Variants in ROBO1 observed in about 807,000 individuals in gnomAD.
ROBO1 encodes the protein roundabout guidance receptor 1.
A neutral mutation model predicts 195.9 loss-of-function variants in ROBO1; 149 were observed. The observed-to-expected ratio is 0.76, with a 90% confidence interval of 0.67 to 0.87. ROBO1 has a LOEUF of 0.87. ROBO1 is among the 40% of genes least tolerant of loss of function. ROBO1 has a pLI of 0.00. For missense variants in ROBO1, 1,933 were observed against 2,068.3 expected (o/e 0.93, Z 1.27); for synonymous variants, 816 against 733.2 (o/e 1.11, Z -1.82).
chr3:78,812,903 C>T (rs924052657), intron 4 of ROBO1, among the ~76,000 whole-genome samples: 4 of 152,004 alleles, frequency 2.6e-5, no homozygotes, highest in African/African-American at 7.2e-5. Context: ...CAATTATTTA[C>T]ATGGTAGAAT....
chr3:78,894,035 T>C (rs2037081799), intron 4 of ROBO1, among the ~76,000 whole-genome samples: 1 of 152,212 alleles, frequency 6.6e-6, no homozygotes, highest in Admixed American at 6.5e-5. Flanking sequence ...AAATGTTTCA[T>C]CTTTTCAACG....
intron 8 of ROBO1, among the ~76,000 whole-genome samples, chr3:78,711,879 T>C (rs2081760683): frequency 6.6e-6 from 1 of 151,576 alleles, no homozygotes; most frequent in South Asian, 2.1e-4. Flanking sequence ...AAGTGCCTAT[T>C]AGATGTCCAG....
intron 2 of ROBO1, among the ~76,000 whole-genome samples, chr3:79,151,723 C>T (rs1157701449): frequency 1.3e-5 from 2 of 151,800 alleles, no homozygotes; most frequent in African/African-American, 2.4e-5. Context: ...GCCAGTTTCC[C>T]GTTTGATCAC....
chr3:79,344,164 A>G (rs2035018446), intron 2 of ROBO1, among the ~76,000 whole-genome samples: 1 of 152,178 alleles, frequency 6.6e-6, no homozygotes, highest in Non-Finnish European at 1.5e-5. Flanking sequence ...ACTTGTATGC[A>G]GGCATGGCTA....
intron 2 of ROBO1, among the ~76,000 whole-genome samples, chr3:79,268,995 G>C (rs1222602729): frequency 6.6e-6 from 1 of 151,592 alleles, no homozygotes; most frequent in Non-Finnish European, 1.5e-5. Flanking sequence ...ATCTTCTCCA[G>C]TCCATTTACT....
At position 78,651,780 on chromosome 3, in the gene ROBO1, G is replaced by A. The variant is rs767615237; in HGVS notation, c.2764C>T (p.Arg922Cys). Reference protein sequence around the residue: ...MVFSIWLYRHRKKRNGLTSTY... With the variant: ...MVFSIWLYRHCKKRNGLTSTY... ...CTAGTAAGTCCGTTTCTCTTCTTGC[G>A]GTGTCGATAAAGCCAGATGCTGAAG... The change falls in exon 19 of 31, where the codon CGC becomes TGC. Residue 922 changes from arginine (R) to cysteine (C), a missense_variant. Transcript: ENST00000464233. 3.5e-5 allele frequency: 57 copies of A among 1,613,266 alleles called. No homozygotes were observed. The highest frequency in any genetic ancestry group is 4.4e-5 in the Non-Finnish European group (52 of 1,179,602).
intron 2 of ROBO1, among the ~76,000 whole-genome samples, chr3:79,163,058 C>T (rs11920180): frequency 0.035 from 5,272 of 152,078 alleles, 271 homozygotes; most frequent in African/African-American, 0.12. Flanking sequence ...CATTTTTAAG[C>T]GTACAGTTCA....
chr3:78,632,139 T>C (rs1439305580), intron 24 of ROBO1, among the ~76,000 whole-genome samples: 1 of 152,190 alleles, frequency 6.6e-6, no homozygotes, highest in Non-Finnish European at 1.5e-5. Context: ...TTATAGACAA[T>C]GAGTCTATGA....
intron 2 of ROBO1, among the ~76,000 whole-genome samples, chr3:79,367,556 C>A (rs1271757742): frequency 1.3e-5 from 2 of 152,132 alleles, no homozygotes; most frequent in Non-Finnish European, 2.9e-5. Flanking sequence ...ACCCATCGTT[C>A]GTTAAAATGT....
chr3:79,014,776 T>A (rs761950872), intron 3 of ROBO1, among the ~76,000 whole-genome samples: 2 of 152,166 alleles, frequency 1.3e-5, no homozygotes, highest in Non-Finnish European at 2.9e-5. Context: ...GCAGGGCAGT[T>A]TATATTTTTG....
intron 2 of ROBO1, among the ~76,000 whole-genome samples, chr3:79,158,148 G>T (rs2080891660): frequency 6.6e-6 from 1 of 151,766 alleles, no homozygotes; most frequent in Admixed American, 6.6e-5. Context: ...TAAAATTTTA[G>T]TCACATAATA....
At chr3:79,455,783 T>G (rs749316265) in intron 2 of ROBO1, among the ~76,000 whole-genome samples, 99 of 152,266 alleles carry the variant, frequency 6.5e-4, no homozygotes, top group Non-Finnish European at 1.2e-3. Flanking sequence ...TGGTAACAAC[T>G]GATAAGTTGT....
At chr3:79,434,491 G>T (rs1361950678) in intron 2 of ROBO1, among the ~76,000 whole-genome samples, 1 of 152,134 alleles carries the variant, frequency 6.6e-6, no homozygotes, top group Non-Finnish European at 1.5e-5. Context: ...GGCCATCAGA[G>T]AAATGCAAAT....
chr3:79,314,005 T>A (rs2033614729), intron 2 of ROBO1, among the ~76,000 whole-genome samples: 1 of 152,166 alleles, frequency 6.6e-6, no homozygotes. Context: ...TCCTTTTGTT[T>A]GTCTTTTTTG....
chr3:79,753,604 T>A (rs1704237348), intron 1 of ROBO1, among the ~76,000 whole-genome samples: 1 of 152,180 alleles, frequency 6.6e-6, no homozygotes. Context: ...ATTATTATTA[T>A]TAATACCATG....
chr3:78,807,589 A>G (rs2084586033), intron 4 of ROBO1, among the ~76,000 whole-genome samples: 1 of 152,240 alleles, frequency 6.6e-6, no homozygotes, highest in African/African-American at 2.4e-5. Context: ...CAAGTAATAC[A>G]AACACTAAAA....
chr3:79,728,711 A>C (rs2107340111), intron 1 of ROBO1, among the ~76,000 whole-genome samples: 1 of 152,300 alleles, frequency 6.6e-6, no homozygotes, highest in African/African-American at 2.4e-5. Flanking sequence ...CAATAGCATA[A>C]GCCAGAAAAA....
chr3:78,625,520 T>C (rs1444938362), intron 26 of ROBO1, among the ~76,000 whole-genome samples: 2 of 152,184 alleles, frequency 1.3e-5, no homozygotes, highest in Non-Finnish European at 2.9e-5. Flanking sequence ...TATTGTGGCA[T>C]TCAGGAGAAG....
chr3:79,071,740 G>GCA (rs151014133), intron 3 of ROBO1, among the ~76,000 whole-genome samples: 99,977 of 144,316 alleles, frequency 0.69, 35,243 homozygotes, highest in South Asian at 0.83. Context: ...ACACACACAC[G>GCA]CACACACACA....
Sources: allele counts gnomAD v4.1 joint callset (sites outside exome capture counted in the v4.1 genomes callset), GRCh38; gene constraint gnomAD v4.1.1; transcripts MANE v1.5; gene names NCBI Gene and HGNC (gene_info 2026-07-23, HGNC 2026-07-21).